The following MSANTD5 variants were observed in gnomAD, a reference collection of about 807,000 sequenced individuals.
The protein encoded by MSANTD5 is Myb/SANT DNA binding domain containing 5.
downstream of MSANTD5, among the ~76,000 whole-genome samples, chr5:178,692,569 T>G (rs879299032): frequency 3.9e-5 from 6 of 151,974 alleles, no homozygotes; most frequent in Admixed American, 3.9e-4. Flanking sequence ...TTCAACAGCT[T>G]CTTCTACATC....
At chr5:178,693,273 A>C (rs1181447512), downstream of MSANTD5, among the ~76,000 whole-genome samples, 1 of 152,082 alleles carries the variant, frequency 6.6e-6, no homozygotes, top group East Asian at 1.9e-4. Flanking sequence ...AGATTGTGCC[A>C]CCATACTCCA....
upstream of MSANTD5, among the ~76,000 whole-genome samples, chr5:178,700,082 G>A (rs758234515): frequency 9.9e-5 from 15 of 152,002 alleles, no homozygotes; most frequent in Non-Finnish European, 1.6e-4. Context: ...GCTTCTGCTC[G>A]TTGCTCTGCT....
chr5:178,696,117 T>A (rs1416532310), exon 2 of MSANTD5: 1 of 152,202 alleles, frequency 6.6e-6, no homozygotes, highest in Non-Finnish European at 1.5e-5. Flanking sequence ...TTCTGATCCC[T>A]GGGCTGTGTT....
upstream of MSANTD5, among the ~76,000 whole-genome samples, chr5:178,701,162 A>G (rs537544355): frequency 1.3e-5 from 2 of 152,114 alleles, no homozygotes; most frequent in East Asian, 3.9e-4. Flanking sequence ...TTTTTTTAGT[A>G]GAGACGGGGT....
intron 1 of MSANTD5, among the ~76,000 whole-genome samples, chr5:178,697,339 A>G (rs1259150176): frequency 3.3e-5 from 5 of 151,888 alleles, no homozygotes; most frequent in Admixed American, 1.3e-4. Flanking sequence ...CTGTAGTCCC[A>G]GCTACTCGGG....
downstream of MSANTD5, among the ~76,000 whole-genome samples, chr5:178,693,304 T>G (rs1395241153): frequency 6.6e-6 from 1 of 152,020 alleles, no homozygotes; most frequent in Non-Finnish European, 1.5e-5. Context: ...ATAGTGAGAC[T>G]CCGTCTCAAA....
At chr5:178,702,146 A>C (rs1765492891), upstream of MSANTD5, among the ~76,000 whole-genome samples, 1 of 151,928 alleles carries the variant, frequency 6.6e-6, no homozygotes, top group Admixed American at 6.6e-5. Flanking sequence ...CTGATGTACC[A>C]AGGAAGTATT....
At chr5:178,701,583 A>G (rs1255800760), upstream of MSANTD5, among the ~76,000 whole-genome samples, 1 of 150,786 alleles carries the variant, frequency 6.6e-6, no homozygotes, top group Non-Finnish European at 1.5e-5. Context: ...GAGGTAGGAG[A>G]ATCTCTTGAA....
the MSANTD5 span, among the ~76,000 whole-genome samples, chr5:178,705,088 A>AC: frequency 6.6e-6 from 1 of 151,448 alleles, no homozygotes; most frequent in African/African-American, 2.4e-5. Flanking sequence ...TTGCTCTGTC[A>AC]CCCAGGCTGG....
chr5:178,707,122 G>C, the MSANTD5 span: 1 of 152,118 alleles, frequency 6.6e-6, no homozygotes, highest in East Asian at 1.9e-4. Flanking sequence ...CTACTTCCAA[G>C]CCGTTTGCAT....
chr5:178,706,311 T>G, the MSANTD5 span, among the ~76,000 whole-genome samples: 1 of 152,144 alleles, frequency 6.6e-6, no homozygotes, highest in Non-Finnish European at 1.5e-5. Flanking sequence ...GGCTTCAAAT[T>G]CCTCTAGTAT....
upstream of MSANTD5, among the ~76,000 whole-genome samples, chr5:178,702,013 G>A (rs938584590): frequency 6.0e-5 from 9 of 150,444 alleles, no homozygotes; most frequent in Admixed American, 3.3e-4. Context: ...GATTACAGGC[G>A]TGAGCCACCG....
At chr5:178,694,109 G>C (rs1277040114), downstream of MSANTD5, among the ~76,000 whole-genome samples, 3 of 151,994 alleles carry the variant, frequency 2.0e-5, no homozygotes, top group Middle Eastern at 3.4e-3. Context: ...CTGAGGTCAG[G>C]AGTTCAAGAC....
downstream of MSANTD5, among the ~76,000 whole-genome samples, chr5:178,692,550 G>C (rs1235046956): frequency 6.6e-6 from 1 of 151,912 alleles, no homozygotes; most frequent in Non-Finnish European, 1.5e-5. Flanking sequence ...TCATCCACTG[G>C]GCGAAGGGTT....
chr5:178,697,311 G>T (rs981344079), intron 1 of MSANTD5, among the ~76,000 whole-genome samples: 2 of 151,426 alleles, frequency 1.3e-5, no homozygotes, highest in Non-Finnish European at 2.9e-5. Context: ...AAAATTAGCC[G>T]GGCGTGGTGG....
chr5:178,693,459 G>A (rs770699044), downstream of MSANTD5, among the ~76,000 whole-genome samples: 74 of 152,052 alleles, frequency 4.9e-4, no homozygotes, highest in Admixed American at 1.4e-3. Flanking sequence ...AGATATGTCC[G>A]GAGTTTCTGC....
chr5:178,703,529 A>G, the MSANTD5 span, among the ~76,000 whole-genome samples: 3 of 152,174 alleles, frequency 2.0e-5, no homozygotes, highest in Non-Finnish European at 4.4e-5. Context: ...CAACATTATG[A>G]GAGAAGAGAG....
chr5:178,697,369 G>A (rs1317156798), intron 1 of MSANTD5, among the ~76,000 whole-genome samples: 2 of 152,072 alleles, frequency 1.3e-5, no homozygotes, highest in African/African-American at 4.8e-5. Flanking sequence ...CAGGAGAATG[G>A]CCTGAACCCG....
the MSANTD5 span, among the ~76,000 whole-genome samples, chr5:178,704,035 A>G: frequency 1.3e-5 from 2 of 152,042 alleles, no homozygotes; most frequent in African/African-American, 4.8e-5. Flanking sequence ...TATCCCAATT[A>G]TACTGATCTA....
Sources: allele counts gnomAD v4.1 joint callset (sites outside exome capture counted in the v4.1 genomes callset), GRCh38; gene constraint gnomAD v4.1.1; transcripts MANE v1.5; gene names NCBI Gene and HGNC (gene_info 2026-07-23, HGNC 2026-07-21).